Variants in UPRT observed in about 807,000 individuals in gnomAD.
The protein encoded by UPRT is RP11-311P8.3.
A neutral mutation model predicts 22.6 loss-of-function variants in UPRT; 5 were observed. The ratio of observed to expected loss-of-function variants is 0.22; its 90% CI spans 0.12 to 0.47. The LOEUF (loss-of-function observed/expected upper bound fraction) is 0.47, where lower values mean the gene tolerates loss of function less well. UPRT is among the 20% of genes least tolerant of loss of function. The pLI, the probability that UPRT is intolerant of heterozygous loss-of-function variation, is 0.99. For missense variants in UPRT, 181 were observed against 239.9 expected (o/e 0.75, Z 1.62); for synonymous variants, 77 against 87.7 (o/e 0.88, Z 0.68).
In UPRT at chrX:75,275,566, C is replaced by T. The variant is rs746324114; in HGVS notation, c.386+926C>T. 1.4e-4 allele frequency among the ~76,000 whole-genome samples: 16 copies of T among 111,251 alleles called. No homozygotes were observed. In the South Asian group the frequency reaches 5.7e-3, roughly 40 times the overall value. ...CTATTGTAATAATACTGTTTCTCTG[C>T]TTGCAGTTTTTCCTCTCTTCCACAT... On this transcript the variant is annotated intron_variant, in intron 1 of 6. Coordinates refer to ENST00000373383, the MANE Select transcript of UPRT (RefSeq NM_145052.4).
chrX:75,217,583 C>G (rs973514000), intron 4 of UPRT, among the ~76,000 whole-genome samples: 3 of 111,939 alleles, frequency 2.7e-5, no homozygotes, highest in Non-Finnish European at 5.6e-5. Flanking sequence ...AATGGGAGTT[C>G]ACTCCTGATT....
At chrX:75,303,291 C>T (rs897785775) in intron 6 of UPRT, 114 bp from the exon 7 acceptor site, 33 of 522,190 alleles carry the variant, frequency 6.3e-5, no homozygotes, top group Non-Finnish European at 1.1e-4. Context: ...ATCCAAAGAT[C>T]ATTGCTCTCT....
At chrX:75,169,260 CAGAT>C (rs1297531792) in intron 4 of UPRT, among the ~76,000 whole-genome samples, 2 of 111,799 alleles carry the variant, frequency 1.8e-5, no homozygotes, top group African/African-American at 3.3e-5. Context: ...ATGTCTTTTT[CAGAT>C]AATGACTTCT....
At chrX:75,241,204 C>T (rs760918106) in intron 4 of UPRT, among the ~76,000 whole-genome samples, 1 of 111,178 alleles carries the variant, frequency 9.0e-6, no homozygotes, top group African/African-American at 3.3e-5. Context: ...CCAGAATCTC[C>T]AAGGAGCTCA....
intron 4 of UPRT, among the ~76,000 whole-genome samples, chrX:75,184,972 A>G (rs896413463): frequency 9.0e-6 from 1 of 111,129 alleles, no homozygotes; most frequent in Non-Finnish European, 1.9e-5. Context: ...GCAAACAGGT[A>G]CAATTTGAGT....
At chrX:75,187,090 G>C (rs186569112) in intron 4 of UPRT, among the ~76,000 whole-genome samples, 1 of 111,301 alleles carries the variant, frequency 9.0e-6, no homozygotes, top group African/African-American at 3.3e-5. Flanking sequence ...TATTTTGCTC[G>C]TTAGTTGATG....
intron 4 of UPRT, among the ~76,000 whole-genome samples, chrX:75,264,239 C>A (rs1167045894): frequency 1.8e-5 from 2 of 111,533 alleles, no homozygotes; most frequent in Non-Finnish European, 3.8e-5. Flanking sequence ...TCTATTAGGT[C>A]CACTTGGTGC....
intron 4 of UPRT, among the ~76,000 whole-genome samples, chrX:75,223,835 C>T (rs774608578): frequency 8.9e-6 from 1 of 111,782 alleles, no homozygotes; most frequent in South Asian, 3.8e-4. Context: ...TTTTGGTTCT[C>T]ATGAAGGTTT....
At position 75,302,844 on chromosome X, in the gene UPRT, T is replaced by G. The variant is rs982131060; in HGVS notation, c.824-561T>G. Among the ~76,000 whole-genome samples the G allele has an allele frequency of 4.5e-5, 5 of 111,162 alleles. No individual in the cohort carries two copies. In the Admixed American group the frequency reaches 4.8e-4, roughly 11 times the overall value. On this transcript the variant is annotated intron_variant, in intron 6 of 6. Transcript: ENST00000373383. ...TTTTCTGTGAAAAGCAAGTACACTG[T>G]GAAACACTACACTTGTTTCACAGTG...
At chrX:75,278,470 A>G (rs895867644) in intron 1 of UPRT, among the ~76,000 whole-genome samples, 3 of 111,563 alleles carry the variant, frequency 2.7e-5, no homozygotes, top group Non-Finnish European at 5.7e-5. Context: ...AAATTTCTTC[A>G]TTTATGTCGT....
intron 4 of UPRT, among the ~76,000 whole-genome samples, chrX:75,236,632 T>A (rs950086464): frequency 1.8e-5 from 2 of 111,752 alleles, no homozygotes; most frequent in Admixed American, 9.5e-5. Context: ...CCGAGCCCTC[T>A]GAAATAATGC....
At chrX:75,214,062 G>A (rs2082386463) in intron 4 of UPRT, among the ~76,000 whole-genome samples, 2 of 112,015 alleles carry the variant, frequency 1.8e-5, no homozygotes, top group South Asian at 7.4e-4. Flanking sequence ...CATTCGCCAA[G>A]ACTGATGACA....
chrX:75,235,870 C>G (rs894217982), intron 4 of UPRT, among the ~76,000 whole-genome samples: 1 of 111,778 alleles, frequency 8.9e-6, no homozygotes, highest in South Asian at 3.8e-4. Flanking sequence ...TGGAAGCATT[C>G]CCTTTGAAAA....
intron 4 of UPRT, among the ~76,000 whole-genome samples, chrX:75,221,120 C>G (rs778498401): frequency 9.0e-6 from 1 of 111,356 alleles, no homozygotes; most frequent in Non-Finnish European, 1.9e-5. Context: ...TCTTTTAGCA[C>G]TTTAAATATG....
chrX:75,220,611 A>G (rs951583896), intron 4 of UPRT, among the ~76,000 whole-genome samples: 7 of 111,434 alleles, frequency 6.3e-5, no homozygotes, highest in African/African-American at 2.3e-4. Context: ...GATGCTTGCA[A>G]ATACTATTGT....
At position 75,233,462 on chromosome X, in the gene UPRT, G is replaced by A. The variant is rs775225984; in HGVS notation, c.-446-57562G>A. On this transcript the variant is annotated intron_variant, in intron 4 of 13. Transcript: ENST00000652605. Reference sequence around the variant, plus strand: ...GCCACAGAGATACTCCACGAGAAGAGTAACACCAAGACATATAATTGTCAG... The same window carrying A: ...GCCACAGAGATACTCCACGAGAAGAATAACACCAAGACATATAATTGTCAG... Among the ~76,000 whole-genome samples, 30 of 110,431 alleles carry A rather than the reference G, an allele frequency of 2.7e-4. No individual in the cohort carries two copies. The South Asian group carries it at 0.011, about 42-fold the overall frequency.
chrX:75,195,252 G>A lies in UPRT; in HGVS notation c.-447+27373G>A, dbSNP rs188266265. On this transcript the variant is annotated intron_variant, in intron 4 of 13. Transcript: ENST00000652605. ...TTGCCAGTGCAGGAACTATGATGTG[G>A]GCCTCTAAGAGTCACCCCACCTGGG... Among the ~76,000 whole-genome samples, 441 of 112,203 alleles carry A rather than the reference G, an allele frequency of 3.9e-3. 3 individuals are homozygous for A. The highest frequency in any genetic ancestry group is 5.9e-3 in the Admixed American group (63 of 10,668).
At chrX:75,172,283 T>C (rs1016388982) in intron 4 of UPRT, among the ~76,000 whole-genome samples, 1 of 111,045 alleles carries the variant, frequency 9.0e-6, no homozygotes, top group African/African-American at 3.3e-5. Flanking sequence ...GATAGGGGTG[T>C]GGTTCCCAAA....
chrX:75,208,277 C>T (rs750243552), intron 4 of UPRT, among the ~76,000 whole-genome samples: 2 of 111,208 alleles, frequency 1.8e-5, no homozygotes, highest in African/African-American at 6.5e-5. Flanking sequence ...GTTGCATGGA[C>T]AGATGGAGGG....
Sources: gnomAD v4.1 joint callset for allele counts (sites outside exome capture counted in the v4.1 genomes callset) on GRCh38, gnomAD v4.1.1 for gene constraint, MANE v1.5 for transcripts, NCBI Gene and HGNC (gene_info 2026-07-23, HGNC 2026-07-21) for gene names.